AKAP13: variants seen among roughly 807,000 people sequenced by gnomAD.
AKAP13 encodes A-kinase anchor protein 13.
In AKAP13, 80 loss-of-function variants were observed where a neutral mutation model predicts 264.5. That is an observed-to-expected ratio of 0.30 (90% confidence interval 0.25 to 0.36). The LOEUF (loss-of-function observed/expected upper bound fraction) is 0.36. Among genes scored for constraint, AKAP13 ranks in the 10% least tolerant of loss-of-function variants. The pLI, the probability that AKAP13 is intolerant of heterozygous loss-of-function variation, is 1.00. For missense variants in AKAP13, 3,712 were observed against 3,435.2 expected (o/e 1.08, Z -2.01); for synonymous variants, 1,380 against 1,250.2 (o/e 1.10, Z -2.19).
chr15:85,554,324 A>G (rs1291179921), intron 5 of AKAP13, among the ~76,000 whole-genome samples: 2 of 152,210 alleles, frequency 1.3e-5, no homozygotes, highest in African/African-American at 2.4e-5. Flanking sequence ...GAGCTTAGAT[A>G]TCTCTTTATT....
chr15:85,402,318 A>G (rs1364252388), intron 1 of AKAP13, among the ~76,000 whole-genome samples: 1 of 152,204 alleles, frequency 6.6e-6, no homozygotes, highest in African/African-American at 2.4e-5. Context: ...CCAAAAAATC[A>G]GTTTGGAAAC....
rs993420219 is a variant in AKAP13 at position 85,390,184 on chromosome 15, G to T, written c.-12+9386G>T. Among the ~76,000 whole-genome samples, 8 of 152,316 alleles carry T rather than the reference G, an allele frequency of 5.3e-5. No homozygotes were observed. The South Asian group carries it at 1.7e-3, about 32-fold the overall frequency. ...TGGGAATTCAGTGACATCTGTAGTT[G>T]CTGCCGTTAATCTATATCCTATTGA... On this transcript the variant is annotated intron_variant, in intron 1 of 36. Coordinates refer to ENST00000394518, the MANE Select transcript of AKAP13 (RefSeq NM_007200.5).
At chr15:85,597,016 G>A (rs1053571694) in intron 8 of AKAP13, among the ~76,000 whole-genome samples, 8 of 152,152 alleles carry the variant, frequency 5.3e-5, no homozygotes, top group Non-Finnish European at 8.8e-5. Context: ...AGATAGATTA[G>A]TAGAAAAACA....
rs1274793819 is a variant in AKAP13 at position 85,442,341 on chromosome 15, C to T, written c.-11-43369C>T. On this transcript the variant is annotated intron_variant, in intron 1 of 36. Transcript: ENST00000394518. ...AGGAGAATTGCTTGAACCCAGGAGG[C>T]GGAGGTTGCAGTGAGCCGAGATCGT... Among the ~76,000 whole-genome samples the T allele has an allele frequency of 4.9e-5, 7 of 143,706 alleles. No homozygotes were observed. In the Middle Eastern group the frequency reaches 0.012, roughly 239 times the overall value. The allele number at this position is 143,706 out of a possible 152,430, so 94.3% of individuals were successfully genotyped here.
chr15:85,656,548 T>C (rs2083103635), intron 11 of AKAP13, among the ~76,000 whole-genome samples: 1 of 152,018 alleles, frequency 6.6e-6, no homozygotes, highest in Non-Finnish European at 1.5e-5. Context: ...CCGGGTTCAC[T>C]CCATTCTCCT....
chr15:85,645,977 A>C lies in AKAP13; in HGVS notation c.4374+23A>C. ...AAGGTACTGTGTGGACCTTCCTTTC[A>C]TTTTTGTCACACGGCTTTTGTGTTC... On this transcript the variant is annotated intron_variant, in intron 10 of 36. Transcript: ENST00000394518. The C allele has an allele frequency of 3.1e-6, 5 of 1,599,802 alleles. 1 individual carries two copies. The highest frequency in any genetic ancestry group is 4.3e-6 in the Non-Finnish European group (5 of 1,176,082).
intron 1 of AKAP13, among the ~76,000 whole-genome samples, chr15:85,484,005 G>A (rs556113308): frequency 6.6e-6 from 1 of 152,148 alleles, no homozygotes; most frequent in African/African-American, 2.4e-5. Flanking sequence ...GTTAATTCCT[G>A]TATAAATTTC....
intron 5 of AKAP13, among the ~76,000 whole-genome samples, chr15:85,546,500 G>A (rs1241069682): frequency 2.0e-5 from 3 of 152,154 alleles, no homozygotes; most frequent in African/African-American, 7.2e-5. Context: ...CAAAGTGGTT[G>A]GATGAAGATA....
intron 10 of AKAP13, among the ~76,000 whole-genome samples, chr15:85,653,657 T>G (rs1192712292): frequency 1.3e-5 from 2 of 152,212 alleles, no homozygotes; most frequent in African/African-American, 4.8e-5. Context: ...ATAATTTTTT[T>G]CTCTTTCTTG....
At position 85,693,462 on chromosome 15, in the gene AKAP13, T is replaced by C. The variant is rs755033972; in HGVS notation, c.5464+11T>C. The stretch of plus-strand genomic sequence containing the variant: ...CCTATACTTGTGCAAGTAAGAGACA[T>C]GCTTCTTCCTCTCGTAAGATGGAAC... On this transcript the variant is annotated intron_variant, in intron 17 of 36. Coordinates refer to ENST00000394518, the MANE Select transcript of AKAP13 (RefSeq NM_007200.5). The C allele has an allele frequency of 3.1e-6, 5 of 1,610,098 alleles. No individual in the cohort carries two copies. In the South Asian group the frequency reaches 4.5e-5, roughly 14 times the overall value.
chr15:85,733,402 T>C (rs1243200174), intron 30 of AKAP13, among the ~76,000 whole-genome samples: 1 of 152,252 alleles, frequency 6.6e-6, no homozygotes, highest in African/African-American at 2.4e-5. Context: ...GATTTTTTTC[T>C]AAGTACAAGT....
chr15:85,725,570 G>C (rs980295937), intron 26 of AKAP13, among the ~76,000 whole-genome samples: 4 of 152,160 alleles, frequency 2.6e-5, no homozygotes, highest in African/African-American at 9.7e-5. Context: ...CACAGAAAGG[G>C]GATTTCAGTT....
intron 16 of AKAP13, among the ~76,000 whole-genome samples, chr15:85,685,960 G>C (rs550771399): frequency 1.2e-4 from 18 of 152,296 alleles, no homozygotes; most frequent in Non-Finnish European, 2.4e-4. Context: ...AAGAAAGGGA[G>C]AAAAGAAGTT....
intron 1 of AKAP13, among the ~76,000 whole-genome samples, chr15:85,429,333 A>G (rs1203780035): frequency 6.6e-6 from 1 of 152,182 alleles, no homozygotes; most frequent in Non-Finnish European, 1.5e-5. Flanking sequence ...CTAATGGTCC[A>G]TCTGGGAGCT....
At chr15:85,573,971 GATTATAAT>G (rs766354681) in intron 5 of AKAP13, among the ~76,000 whole-genome samples, 7 of 152,180 alleles carry the variant, frequency 4.6e-5, no homozygotes, top group Admixed American at 1.3e-4. Context: ...ACAGTGCTTA[GATTATAAT>G]ATCTGTGTTT....
At chr15:85,529,415 C>A (rs2077180961) in intron 3 of AKAP13, among the ~76,000 whole-genome samples, 1 of 151,958 alleles carries the variant, frequency 6.6e-6, no homozygotes, top group South Asian at 2.1e-4. Flanking sequence ...AGCGAGACTC[C>A]GTCTCAAAAT....
intron 30 of AKAP13, among the ~76,000 whole-genome samples, chr15:85,731,305 C>T (rs1341927645): frequency 2.0e-5 from 3 of 152,194 alleles, no homozygotes; most frequent in Non-Finnish European, 4.4e-5. Flanking sequence ...TGCACCCGGC[C>T]ATTAATCACT....
In AKAP13 at chr15:85,708,609, A is replaced by G. The variant is rs1047602551; in HGVS notation, c.5532+523A>G. 6.6e-6 allele frequency among the ~76,000 whole-genome samples: 1 copy of G among 152,196 alleles called. No individual in the cohort carries two copies. The highest frequency in any genetic ancestry group is 1.5e-5 in the Non-Finnish European group (1 of 68,040). ...TAGAAAGTGCCTGTTTTATGGTGGT[A>G]TCTGCCCTGAGCATGTATGCTATGT... On this transcript the variant is annotated intron_variant, in intron 18 of 36. Coordinates refer to ENST00000394518, the MANE Select transcript of AKAP13 (RefSeq NM_007200.5). This position sits in a 1 kb window ranked among gnomAD's most constrained non-coding sequence, Gnocchi z 4.3.
chr15:85,383,300 G>GTAGC (rs1393622250), intron 1 of AKAP13, among the ~76,000 whole-genome samples: 2 of 152,054 alleles, frequency 1.3e-5, no homozygotes, highest in Non-Finnish European at 2.9e-5. Flanking sequence ...TTGGAACTAG[G>GTAGC]TAGCGTTCAG....
Sources: allele counts gnomAD v4.1 joint callset (sites outside exome capture counted in the v4.1 genomes callset), GRCh38; gene constraint gnomAD v4.1.1; non-coding constraint Gnocchi (gnomAD v3.1); transcripts MANE v1.5; gene names NCBI Gene and HGNC (gene_info 2026-07-23, HGNC 2026-07-21).